Variants in POC1A observed in about 807,000 individuals in gnomAD.
POC1A encodes POC1 centriolar protein homolog A.
A neutral mutation model predicts 47.8 loss-of-function variants in POC1A; 34 were observed. The ratio of observed to expected loss-of-function variants is 0.71; its 90% CI spans 0.54 to 0.95. POC1A has a LOEUF of 0.95. POC1A is among the 40% of genes least tolerant of loss of function. POC1A has a pLI of 0.00. For missense variants in POC1A, 466 were observed against 528.3 expected, an observed-to-expected ratio of 0.88 and a Z score of 1.16; for synonymous variants, 177 against 207.6, an observed-to-expected ratio of 0.85 and a Z score of 1.27.
chr3:52,131,879 C>T (rs1357184402), intron 7 of POC1A, among the ~76,000 whole-genome samples: 1 of 152,154 alleles, frequency 6.6e-6, no homozygotes, highest in Non-Finnish European at 1.5e-5. Context: ...GGGGCAGAGG[C>T]CACAGCCCCA....
chr3:52,093,310 A>G (rs1031428988), intron 10 of POC1A, among the ~76,000 whole-genome samples: 6 of 152,142 alleles, frequency 3.9e-5, no homozygotes, highest in African/African-American at 1.4e-4. Context: ...CACCACACAG[A>G]GTGGGCTCAG....
rs530100009 is a variant in POC1A, at chr3:52,135,209, C to T, written c.813+2960G>A. ...GGTGACAACACAGGCCCAGCCCCTA[C>T]GGATTTCTACCCCCAGCTGGAGCAA... is the stretch of plus-strand genomic sequence containing the variant. On this transcript the variant is annotated intron_variant, in intron 7 of 10. Transcript: ENST00000296484. Among the ~76,000 whole-genome samples, 10 of 152,328 alleles carry T rather than the reference C, an allele frequency of 6.6e-5. No individual in the cohort carries two copies. In the East Asian group the frequency reaches 1.5e-3, roughly 23 times the overall value.
At chr3:52,101,231 A>G (rs962698994) in intron 9 of POC1A, among the ~76,000 whole-genome samples, 3 of 152,148 alleles carry the variant, frequency 2.0e-5, no homozygotes, top group Admixed American at 1.3e-4. Context: ...GAGAGTGAGG[A>G]AAATGACTGA....
At position 52,120,917 on chromosome 3, in the gene POC1A, C is replaced by G. The variant is rs146291553; in HGVS notation, c.981+1462G>C. The stretch of plus-strand genomic sequence containing the variant: ...AATAGCTACAAGAACATGGGATTCT[C>G]CCCCAGCTGGTAGATATTAACCACT... On this transcript the variant is annotated intron_variant, in intron 9 of 10. Transcript: ENST00000296484. 5.9e-3 allele frequency among the ~76,000 whole-genome samples: 901 copies of G among 152,356 alleles called. 8 individuals carry two copies. Among genetic ancestry groups the G allele is most frequent in the Non-Finnish European group, 9.7e-3 (661 of 68,028 alleles).
At position 52,123,373 on chromosome 3, in the gene POC1A, TTGG is replaced by T. The variant is rs529001021; in HGVS notation, c.883-899_883-897del. Among the ~76,000 whole-genome samples, 235 of 152,282 alleles carry T rather than the reference TTGG, an allele frequency of 1.5e-3. 2 individuals carry two copies. Among genetic ancestry groups the T allele is most frequent in the Non-Finnish European group, 1.5e-4 (10 of 68,016 alleles). On this transcript the variant is annotated intron_variant, in intron 8 of 10. Coordinates refer to ENST00000296484, the MANE Select transcript of POC1A (RefSeq NM_015426.5). ...CAGGGCCACTTCCAGGATGGCTGGC[TTGG>T]GTGTCACAAGAGAACTGGGGAGTGT...
intron 9 of POC1A, among the ~76,000 whole-genome samples, chr3:52,098,899 G>C (rs1559818585): frequency 6.6e-6 from 1 of 152,128 alleles, no homozygotes; most frequent in Non-Finnish European, 1.5e-5. Flanking sequence ...TTATTTTTCA[G>C]ATATGGACCC....
At chr3:52,149,148 C>T (rs1432242398) in intron 4 of POC1A, 62 bp downstream of exon 4, 2 of 1,489,938 alleles carry the variant, frequency 1.3e-6, no homozygotes, top group Non-Finnish European at 9.3e-7. Context: ...ACCTAGCAGC[C>T]CCTGGGCCAG....
chr3:52,111,374 C>T (rs184792519), intron 9 of POC1A, among the ~76,000 whole-genome samples: 14 of 152,196 alleles, frequency 9.2e-5, no homozygotes, highest in Non-Finnish European at 1.9e-4. Context: ...AGGCCGGGCA[C>T]GGTGGCTCAT....
chr3:52,099,101 T>C (rs1391039501), intron 9 of POC1A, among the ~76,000 whole-genome samples: 1 of 152,220 alleles, frequency 6.6e-6, no homozygotes, highest in Admixed American at 6.5e-5. Context: ...CTAGGTCTAA[T>C]GCTTTTTGCG....
chr3:52,144,027 C>G (rs1199099767), intron 6 of POC1A, among the ~76,000 whole-genome samples: 7 of 152,242 alleles, frequency 4.6e-5, no homozygotes, highest in Non-Finnish European at 8.8e-5. Context: ...TTATGTAGCA[C>G]AAACCACATA....
intron 9 of POC1A, among the ~76,000 whole-genome samples, chr3:52,099,252 C>T (rs534150207): frequency 1.3e-5 from 2 of 152,354 alleles, no homozygotes; most frequent in East Asian, 3.9e-4. Flanking sequence ...TCCCCAATGT[C>T]TGCACTGCAG....
At chr3:52,097,505 C>T (rs1446449199) in intron 9 of POC1A, among the ~76,000 whole-genome samples, 1 of 152,222 alleles carries the variant, frequency 6.6e-6, no homozygotes. Flanking sequence ...AAGTGCTGTG[C>T]ACATGTTCAG....
At chr3:52,107,376 T>C (rs1703223170) in intron 9 of POC1A, among the ~76,000 whole-genome samples, 1 of 152,260 alleles carries the variant, frequency 6.6e-6, no homozygotes. Flanking sequence ...CCCACACTCC[T>C]GCTGAGTCTG....
chr3:52,078,503 C>CTTTT (rs531817608), intron 10 of POC1A, among the ~76,000 whole-genome samples: 3 of 113,528 alleles, frequency 2.6e-5, no homozygotes, highest in African/African-American at 3.4e-5. Flanking sequence ...ATGGAAATCT[C>CTTTT]TTTTTTTTTT....
At chr3:52,100,547 G>A (rs1309626879) in intron 9 of POC1A, among the ~76,000 whole-genome samples, 1 of 152,216 alleles carries the variant, frequency 6.6e-6, no homozygotes, top group Non-Finnish European at 1.5e-5. Flanking sequence ...AATAGAAAGT[G>A]AGCATCAGCT....
intron 9 of POC1A, among the ~76,000 whole-genome samples, chr3:52,098,735 C>T (rs764024136): frequency 3.9e-5 from 6 of 152,220 alleles, no homozygotes; most frequent in Admixed American, 6.5e-5. Context: ...CCACTCCCAT[C>T]AGAAAACACC....
At chr3:52,114,078 T>G (rs577187777) in intron 9 of POC1A, among the ~76,000 whole-genome samples, 5 of 152,250 alleles carry the variant, frequency 3.3e-5, no homozygotes, top group African/African-American at 1.2e-4. Context: ...CACCTCAGGC[T>G]GGGTCCCAGC....
chr3:52,125,755 A>G (rs1334948740), intron 7 of POC1A, among the ~76,000 whole-genome samples: 1 of 152,154 alleles, frequency 6.6e-6, no homozygotes, highest in East Asian at 1.9e-4. Context: ...ACGTCTCTCT[A>G]ATGTGCATTC....
chr3:52,108,371 C>T (rs1040166827), intron 9 of POC1A, among the ~76,000 whole-genome samples: 8 of 152,176 alleles, frequency 5.3e-5, no homozygotes, highest in Admixed American at 3.9e-4. Flanking sequence ...GCGGCAGAGC[C>T]GACATCTCTG....
Sources: gnomAD v4.1 joint callset for allele counts (sites outside exome capture counted in the v4.1 genomes callset) on GRCh38, gnomAD v4.1.1 for gene constraint, MANE v1.5 for transcripts, NCBI Gene and HGNC (gene_info 2026-07-23, HGNC 2026-07-21) for gene names.